Variants in KLHDC4 observed in about 807,000 individuals in gnomAD.
KLHDC4 encodes kelch domain-containing protein 4.
Under a neutral mutation model 62.4 loss-of-function variants are expected in KLHDC4, and 90 were observed. That is an observed-to-expected ratio of 1.44 (90% CI 1.22 to 1.72). The LOEUF (loss-of-function observed/expected upper bound fraction) is 1.72, where lower values mean the gene tolerates loss of function less well. KLHDC4 is among the 40% of genes most tolerant of loss of function. The probability of loss-of-function intolerance (pLI) is 0.00; values close to 1 mark genes in which losing one functional copy is unlikely to be tolerated. For synonymous variants in KLHDC4, 386 were observed against 284.4 expected (o/e 1.36, Z -3.59); for missense variants, 1,025 against 699.7 (o/e 1.47, Z -5.25).
intron 7 of KLHDC4, among the ~76,000 whole-genome samples, chr16:87,719,393 T>C (rs571130825): frequency 2.6e-5 from 4 of 152,330 alleles, no homozygotes; most frequent in East Asian, 3.9e-4. Flanking sequence ...CTCTGAAACA[T>C]GTGCTGTGTC....
At chr16:87,758,048 A>G (rs978142353) in intron 2 of KLHDC4, among the ~76,000 whole-genome samples, 4 of 152,320 alleles carry the variant, frequency 2.6e-5, no homozygotes, top group Non-Finnish European at 5.9e-5. Flanking sequence ...CAACTCCAAA[A>G]GATGTTTCTC....
chr16:87,705,027 G>T (rs1472035844), downstream of KLHDC4, among the ~76,000 whole-genome samples: 1 of 152,072 alleles, frequency 6.6e-6, no homozygotes, highest in Non-Finnish European at 1.5e-5. Context: ...CGGCCAGAGT[G>T]CCTCCCCTGG....
At chr16:87,757,017 A>G (rs528339276) in intron 2 of KLHDC4, among the ~76,000 whole-genome samples, 31 of 151,862 alleles carry the variant, frequency 2.0e-4, no homozygotes, top group African/African-American at 7.5e-4. Context: ...GTTTCACTGC[A>G]TTGGCCAGGC....
At chr16:87,704,962 T>C (rs553734833), downstream of KLHDC4, among the ~76,000 whole-genome samples, 3 of 151,950 alleles carry the variant, frequency 2.0e-5, no homozygotes, top group East Asian at 5.8e-4. Context: ...GATTCATCCT[T>C]TAAAATCCCA....
intron 7 of KLHDC4, among the ~76,000 whole-genome samples, chr16:87,718,630 C>A (rs61331405): frequency 0.055 from 8,325 of 151,890 alleles, 288 homozygotes; most frequent in South Asian, 0.16. Context: ...AGATTGCAGC[C>A]TCTGCCCGGC....
Position 87,707,819 on chromosome 16 carries a change from T to A in KLHDC4, c.*258A>T. On this transcript the variant is annotated 3_prime_UTR_variant, in exon 12 of 12. Transcript: ENST00000270583. ...AGACACCCTCCGCGGTGGTCTTGTT[T>A]CAAGTCCAATTTATTTCACACAACA... 5.1e-6 allele frequency: 2 copies of A among 390,026 alleles called. No individual in the cohort carries two copies. Among genetic ancestry groups the A allele is most frequent in the Non-Finnish European group, 1.0e-5 (2 of 190,932 alleles). 24.2% of individuals were successfully genotyped at this position (390,026 alleles called of 1,614,324 possible). A position where few individuals can be genotyped will look rare whatever the true frequency, so the allele number is the denominator to read the frequency against.
intron 8 of KLHDC4, among the ~76,000 whole-genome samples, chr16:87,713,205 T>C (rs1408399051): frequency 6.6e-6 from 1 of 151,436 alleles, no homozygotes; most frequent in Non-Finnish European, 1.5e-5. Context: ...CTACATATTT[T>C]TTTTGTTTTT....
chr16:87,715,617 C>T (rs2036805116), intron 7 of KLHDC4, among the ~76,000 whole-genome samples: 1 of 152,110 alleles, frequency 6.6e-6, no homozygotes, highest in African/African-American at 2.4e-5. Flanking sequence ...TATAGAGTGC[C>T]CCTCTACTGG....
intron 4 of KLHDC4, among the ~76,000 whole-genome samples, chr16:87,752,805 G>A (rs935259433): frequency 3.9e-5 from 6 of 152,178 alleles, no homozygotes; most frequent in African/African-American, 1.2e-4. Flanking sequence ...TGACTCAAGG[G>A]AAGATTAAAA....
At chr16:87,709,906 G>A in intron 9 of KLHDC4, 1 of 559,314 alleles carries the variant, frequency 1.8e-6, no homozygotes, top group Non-Finnish European at 3.2e-6. Context: ...ACCCCCCACT[G>A]CGTGTCCTCA....
chr16:87,738,356 T>TGCAC (rs1422496379), intron 5 of KLHDC4, among the ~76,000 whole-genome samples: 126 of 136,360 alleles, frequency 9.2e-4, no homozygotes, highest in African/African-American at 3.8e-3. Flanking sequence ...CACACGGACG[T>TGCAC]GCACACACAC....
At chr16:87,752,292 C>G (rs1223048358) in intron 4 of KLHDC4, among the ~76,000 whole-genome samples, 2 of 149,670 alleles carry the variant, frequency 1.3e-5, no homozygotes, top group Non-Finnish European at 3.0e-5. Flanking sequence ...AAGTCAAACT[C>G]CAGGCAAGAG....
At chr16:87,744,502 G>C (rs1412814392) in intron 5 of KLHDC4, among the ~76,000 whole-genome samples, 2 of 151,218 alleles carry the variant, frequency 1.3e-5, no homozygotes, top group Non-Finnish European at 2.9e-5. Flanking sequence ...AGAATGGCTT[G>C]AACCAGCGAG....
chr16:87,723,953 C>T (rs533627484), intron 7 of KLHDC4, among the ~76,000 whole-genome samples: 1 of 152,340 alleles, frequency 6.6e-6, no homozygotes, highest in East Asian at 1.9e-4. Flanking sequence ...TCTCCTATCT[C>T]AGCCTCCCGA....
rs141713574 is a variant in KLHDC4 at position 87,755,270 on chromosome 16, T to C, written c.293A>G (p.Tyr98Cys). Reference sequence around the variant, plus strand: ...GGTGTCCTTTCTGGTATTGTAGACATAGAGCTCGTTATACAAAAAAGTCTA... The same window carrying C: ...GGTGTCCTTTCTGGTATTGTAGACACAGAGCTCGTTATACAAAAAAGTCTA... ...GQKTFLYNEL[Y>C]VYNTRKDTWT... Residue 98 changes from tyrosine to cysteine, a missense_variant, in exon 4 of 12, where the codon TAT becomes TGT. Tyr to Cys is a radical substitution (Grantham distance 194, BLOSUM62 -2). Transcript: ENST00000270583. 3.5e-4 allele frequency: 558 copies of C among 1,603,116 alleles called. 1 individual carries two copies. Among genetic ancestry groups the C allele is most frequent in the Non-Finnish European group, 4.4e-4 (514 of 1,170,460 alleles).
intron 5 of KLHDC4, among the ~76,000 whole-genome samples, chr16:87,732,443 A>C (rs2040550787): frequency 6.6e-6 from 1 of 152,236 alleles, no homozygotes; most frequent in Non-Finnish European, 1.5e-5. Flanking sequence ...TCTAAAAGGC[A>C]TGCATTTTAT....
At chr16:87,739,097 T>TCCACACACCAGCACCTCATCCAC (rs1555581602) in intron 5 of KLHDC4, among the ~76,000 whole-genome samples, 2 of 24,352 alleles carry the variant, frequency 8.2e-5, no homozygotes, top group Non-Finnish European at 7.6e-5. Flanking sequence ...ACCTCATCCA[T>TCCACACACCAGCACCTCATCCAC]CCACACACCA....
At chr16:87,759,606 C>T (rs1038034387) in intron 2 of KLHDC4, among the ~76,000 whole-genome samples, 23 of 151,828 alleles carry the variant, frequency 1.5e-4, no homozygotes, top group African/African-American at 5.6e-4. Flanking sequence ...ATTAGCCGGG[C>T]GTGGTGGTGC....
chr16:87,760,321 T>C (rs975106181), intron 2 of KLHDC4, among the ~76,000 whole-genome samples: 1 of 150,152 alleles, frequency 6.7e-6, no homozygotes, highest in African/African-American at 2.5e-5. Flanking sequence ...AAAAAGTCTC[T>C]ACAGGGCCGG....
Sources: gnomAD v4.1 joint callset for allele counts (sites outside exome capture counted in the v4.1 genomes callset) on GRCh38, gnomAD v4.1.1 for gene constraint, MANE v1.5 for transcripts, NCBI Gene and HGNC (gene_info 2026-07-23, HGNC 2026-07-21) for gene names.